ZBTB20: variants seen among roughly 807,000 people sequenced by gnomAD.
ZBTB20 encodes the protein zinc finger and BTB domain-containing protein 20.
In ZBTB20, 9 loss-of-function variants were observed where a neutral mutation model predicts 56.9. The observed-to-expected ratio is 0.16, with a 90% CI of 0.10 to 0.28. The LOEUF (loss-of-function observed/expected upper bound fraction) is 0.28, where lower values mean the gene tolerates loss of function less well. ZBTB20 is among the 10% of genes least tolerant of loss of function. The pLI, the probability that ZBTB20 is intolerant of heterozygous loss-of-function variation, is 1.00. For missense variants in ZBTB20, 655 were observed against 1,003.0 expected (o/e 0.65, Z 4.69); for synonymous variants, 417 against 420.7 (o/e 0.99, Z 0.11).
intron 11 of ZBTB20, among the ~76,000 whole-genome samples, chr3:114,341,726 T>G (rs916714370): frequency 5.9e-5 from 9 of 152,358 alleles, no homozygotes; most frequent in Admixed American, 4.6e-4. Flanking sequence ...CATGTGACCC[T>G]GGGCTTTTTA....
intron 5 of ZBTB20, among the ~76,000 whole-genome samples, chr3:114,778,271 A>ATAATAG (rs1159257095): frequency 3.1e-5 from 3 of 96,328 alleles, no homozygotes; most frequent in Non-Finnish European, 5.9e-5. Flanking sequence ...AATAATAATA[A>ATAATAG]TAATAATAAT....
At chr3:114,390,709 A>G (rs1375344837) in intron 7 of ZBTB20, among the ~76,000 whole-genome samples, 1 of 152,202 alleles carries the variant, frequency 6.6e-6, no homozygotes, top group Non-Finnish European at 1.5e-5. Flanking sequence ...CACATTCTAA[A>G]TAACAGCTGG....
intron 6 of ZBTB20, among the ~76,000 whole-genome samples, chr3:114,620,910 T>C (rs1346837690): frequency 6.6e-6 from 1 of 152,366 alleles, no homozygotes; most frequent in East Asian, 1.9e-4. Flanking sequence ...GTCAAGGATA[T>C]GATTTGGCTG....
chr3:115,018,696 A>C (rs1021581328), intron 2 of ZBTB20, among the ~76,000 whole-genome samples: 1 of 151,470 alleles, frequency 6.6e-6, no homozygotes, highest in African/African-American at 2.4e-5. Context: ...AATATTTGAA[A>C]AATTGATTAT....
chr3:115,038,723 C>G (rs947015665), intron 2 of ZBTB20, among the ~76,000 whole-genome samples: 10 of 151,798 alleles, frequency 6.6e-5, no homozygotes, highest in Admixed American at 5.9e-4. Flanking sequence ...AAACTATTAA[C>G]GTCATTATAT....
chr3:114,338,960 TG>T lies in ZBTB20; in HGVS notation c.*44del. On this transcript the variant is annotated 3_prime_UTR_variant, in exon 12 of 12. Coordinates refer to ENST00000675478, the MANE Select transcript of ZBTB20 (RefSeq NM_001348800.3). ...ATAGCTTTTTTGTTTGTTTGTTTTT[TG>T]TTGTTGTTTTGTTTTGTTCATAAGA... 2.7e-6 allele frequency: 4 copies of T among 1,457,378 alleles called. No homozygotes were observed. Among genetic ancestry groups the T allele is most frequent in the Non-Finnish European group, 3.6e-6 (4 of 1,099,398 alleles). The allele number at this position is 1,457,378 out of a possible 1,614,324, so 90.3% of individuals were successfully genotyped here.
At chr3:114,453,022 A>T (rs2091733509) in intron 7 of ZBTB20, among the ~76,000 whole-genome samples, 1 of 152,182 alleles carries the variant, frequency 6.6e-6, no homozygotes, top group African/African-American at 2.4e-5. Context: ...TAGCATAAAG[A>T]TATAAATGTA....
At chr3:115,016,585 T>C (rs922341509) in intron 2 of ZBTB20, among the ~76,000 whole-genome samples, 1 of 151,908 alleles carries the variant, frequency 6.6e-6, no homozygotes, top group Non-Finnish European at 1.5e-5. Context: ...CCCCATTGCT[T>C]GTTTTTGTCA....
chr3:114,857,723 T>A (rs2075314393), intron 4 of ZBTB20, among the ~76,000 whole-genome samples: 1 of 152,212 alleles, frequency 6.6e-6, no homozygotes, highest in Admixed American at 6.5e-5. Context: ...ATCAACTCAG[T>A]TGCCACTGTT....
chr3:114,594,026 A>G (rs1383034459), intron 6 of ZBTB20, among the ~76,000 whole-genome samples: 1 of 152,106 alleles, frequency 6.6e-6, no homozygotes, highest in Non-Finnish European at 1.5e-5. Context: ...ATCAACACAT[A>G]TGTCCCACTG....
chr3:114,573,936 T>C (rs1226941276), intron 6 of ZBTB20, among the ~76,000 whole-genome samples: 2 of 152,158 alleles, frequency 1.3e-5, no homozygotes, highest in African/African-American at 4.8e-5. Context: ...AATTCCACCA[T>C]ACAGAGATAA....
chr3:114,718,513 A>T lies in ZBTB20; in HGVS notation c.-342-24938T>A, dbSNP rs372811785. Among the ~76,000 whole-genome samples the T allele has an allele frequency of 7.2e-5, 11 of 152,246 alleles. No homozygotes were observed. The East Asian group carries it at 1.7e-3, about 24-fold the overall frequency. On this transcript the variant is annotated intron_variant, in intron 5 of 11. Coordinates refer to ENST00000675478, the MANE Select transcript of ZBTB20 (RefSeq NM_001348800.3). ...TGAACACAGGGATTGCTTTCCTCACATCTGGCTCTAAGATACAACCACGCG... is the reference window on the plus strand; with the variant it reads ...TGAACACAGGGATTGCTTTCCTCACTTCTGGCTCTAAGATACAACCACGCG...
At chr3:114,406,722 C>G (rs947853804) in intron 7 of ZBTB20, among the ~76,000 whole-genome samples, 6 of 151,978 alleles carry the variant, frequency 3.9e-5, no homozygotes, top group Admixed American at 3.9e-4. Flanking sequence ...TTTGGCTAGA[C>G]AGGTTTGTAG....
At chr3:115,059,583 T>C (rs2081943692) in intron 2 of ZBTB20, among the ~76,000 whole-genome samples, 1 of 152,170 alleles carries the variant, frequency 6.6e-6, no homozygotes, top group East Asian at 1.9e-4. Context: ...CAGTTTAATA[T>C]TCAGCATTCA....
intron 6 of ZBTB20, among the ~76,000 whole-genome samples, chr3:114,566,010 T>C (rs548701657): frequency 1.4e-5 from 2 of 147,428 alleles, no homozygotes; most frequent in South Asian, 2.1e-4. Flanking sequence ...TTTTCTTTTT[T>C]TTTCTTTTTT....
chr3:114,743,921 G>C (rs905046336), intron 5 of ZBTB20: 1 of 152,126 alleles, frequency 6.6e-6, no homozygotes, highest in Admixed American at 6.5e-5. Flanking sequence ...CCTCATTTCT[G>C]AATTTCACTT....
chr3:115,115,821 A>T (rs2108635674), intron 1 of ZBTB20, among the ~76,000 whole-genome samples: 1 of 152,150 alleles, frequency 6.6e-6, no homozygotes, highest in African/African-American at 2.4e-5. Flanking sequence ...AGGTAGTTAG[A>T]TTTTAATGCC....
chr3:114,993,863 C>A (rs2078920307), intron 2 of ZBTB20, among the ~76,000 whole-genome samples: 1 of 151,318 alleles, frequency 6.6e-6, no homozygotes, highest in Admixed American at 6.6e-5. Context: ...AAAATAATAG[C>A]AGAATAATCC....
intron 7 of ZBTB20, among the ~76,000 whole-genome samples, chr3:114,394,858 T>C (rs1255928448): frequency 6.6e-6 from 1 of 152,194 alleles, no homozygotes; most frequent in East Asian, 1.9e-4. Context: ...GTTCTTAGCA[T>C]AGAGCACACT....
Sources: gnomAD v4.1 joint callset for allele counts (sites outside exome capture counted in the v4.1 genomes callset) on GRCh38, gnomAD v4.1.1 for gene constraint, MANE v1.5 for transcripts, NCBI Gene and HGNC (gene_info 2026-07-23, HGNC 2026-07-21) for gene names.